The following THSD7A variants were observed in gnomAD, a reference collection of about 807,000 sequenced individuals.
The protein encoded by THSD7A is thrombospondin type-1 domain-containing protein 7A.
A neutral mutation model predicts 231.3 loss-of-function variants in THSD7A; 96 were observed. The observed-to-expected ratio is 0.41, with a 90% confidence interval of 0.35 to 0.49. The LOEUF is 0.49. THSD7A is among the 20% of genes least tolerant of loss of function. THSD7A has a pLI of 0.05. For synonymous variants in THSD7A, 940 were observed against 743.3 expected (o/e 1.26, Z -4.30); for missense variants, 2,290 against 2,070.2 (o/e 1.11, Z -2.06).
intron 6 of THSD7A, among the ~76,000 whole-genome samples, chr7:11,492,223 T>C (rs557127184): frequency 6.6e-6 from 1 of 152,156 alleles, no homozygotes; most frequent in East Asian, 1.9e-4. Flanking sequence ...CTCTGTGCCT[T>C]TATCAACTCT....
intron 2 of THSD7A, 134 bp from the exon 3 acceptor site, chr7:11,593,636 C>T (rs1780252741): frequency 4.7e-6 from 5 of 1,068,752 alleles, no homozygotes; most frequent in African/African-American, 1.6e-5. Context: ...ATCGAAAATA[C>T]ATCAACATTT....
At chr7:11,478,347 C>T (rs1028532398) in intron 7 of THSD7A, among the ~76,000 whole-genome samples, 3 of 152,176 alleles carry the variant, frequency 2.0e-5, no homozygotes, top group African/African-American at 7.2e-5. Context: ...TCTATCCTCT[C>T]ATACAACCCA....
At chr7:11,570,877 A>G (rs2128334469) in intron 4 of THSD7A, among the ~76,000 whole-genome samples, 1 of 152,266 alleles carries the variant, frequency 6.6e-6, no homozygotes, top group Admixed American at 6.5e-5. Context: ...AACTCTTGAG[A>G]GGATATTTAG....
At chr7:11,702,030 G>A (rs1562487771) in intron 1 of THSD7A, among the ~76,000 whole-genome samples, 1 of 151,204 alleles carries the variant, frequency 6.6e-6, no homozygotes, top group Non-Finnish European at 1.5e-5. Context: ...TTTCATGGGT[G>A]TGAGGTCTGT....
chr7:11,586,784 C>T (rs563413213), intron 4 of THSD7A, among the ~76,000 whole-genome samples: 106 of 152,026 alleles, frequency 7.0e-4, no homozygotes, highest in African/African-American at 2.5e-3. Context: ...CTTACCTTTC[C>T]GTCTATCCAT....
At chr7:11,624,468 C>T (rs1290349909) in intron 2 of THSD7A, among the ~76,000 whole-genome samples, 1 of 152,088 alleles carries the variant, frequency 6.6e-6, no homozygotes, top group African/African-American at 2.4e-5. Context: ...TACAGATAAC[C>T]TGCTCATTCG....
intron 2 of THSD7A, among the ~76,000 whole-genome samples, chr7:11,608,736 T>C (rs978669958): frequency 1.3e-5 from 2 of 152,150 alleles, no homozygotes; most frequent in African/African-American, 4.8e-5. Flanking sequence ...TTTTCTAAAC[T>C]TTCATTCCCT....
chr7:11,641,071 A>G (rs1782060095), intron 1 of THSD7A, among the ~76,000 whole-genome samples: 1 of 152,288 alleles, frequency 6.6e-6, no homozygotes, highest in East Asian at 1.9e-4. Flanking sequence ...TTTGACATAT[A>G]GAAATATTGA....
chr7:11,504,841 T>TA (rs1745027897), intron 6 of THSD7A, among the ~76,000 whole-genome samples: 1 of 151,930 alleles, frequency 6.6e-6, no homozygotes, highest in Admixed American at 6.6e-5. Context: ...CCTTTTTTTT[T>TA]ATTGCATTTA....
intron 1 of THSD7A, among the ~76,000 whole-genome samples, chr7:11,656,659 A>G (rs1782720231): frequency 6.6e-6 from 1 of 151,910 alleles, no homozygotes; most frequent in Admixed American, 6.6e-5. Context: ...TAACTTAACC[A>G]TTCCATTCCA....
intron 2 of THSD7A, among the ~76,000 whole-genome samples, chr7:11,630,627 C>G (rs1461467157): frequency 6.6e-6 from 1 of 152,066 alleles, no homozygotes; most frequent in Non-Finnish European, 1.5e-5. Context: ...TGTCTTATTC[C>G]CTCAGGAATT....
At chr7:11,769,613 C>G (rs12112467) in intron 1 of THSD7A, among the ~76,000 whole-genome samples, 4,294 of 152,018 alleles carry the variant, frequency 0.028, 206 homozygotes, top group African/African-American at 0.098. Context: ...GTATTCACAC[C>G]CAGACATTCA....
chr7:11,635,134 G>A (rs764627310), intron 2 of THSD7A, among the ~76,000 whole-genome samples: 8 of 152,264 alleles, frequency 5.3e-5, no homozygotes, highest in East Asian at 3.9e-4. Context: ...CGCAGAGGTC[G>A]AAACTTCAGG....
chr7:11,761,786 G>A (rs551648627), intron 1 of THSD7A, among the ~76,000 whole-genome samples: 5 of 151,852 alleles, frequency 3.3e-5, no homozygotes, highest in African/African-American at 1.2e-4. Flanking sequence ...GGGGGTACAC[G>A]TGCAGGTTTG....
intron 2 of THSD7A, among the ~76,000 whole-genome samples, chr7:11,604,275 C>T (rs1044767235): frequency 8.6e-5 from 13 of 151,998 alleles, no homozygotes; most frequent in East Asian, 7.7e-4. Flanking sequence ...GTCTTGCTTA[C>T]GAAGCACTCA....
intron 1 of THSD7A, among the ~76,000 whole-genome samples, chr7:11,779,944 G>C (rs933311090): frequency 6.6e-6 from 1 of 152,136 alleles, no homozygotes; most frequent in Admixed American, 6.5e-5. Context: ...ACGTCTTTGG[G>C]TTTCTGTGTC....
At chr7:11,556,747 G>C (rs1268791248) in intron 4 of THSD7A, among the ~76,000 whole-genome samples, 6 of 151,874 alleles carry the variant, frequency 4.0e-5, no homozygotes, top group Admixed American at 3.3e-4. Flanking sequence ...GTATTGAATT[G>C]CAAGTTGACA....
At chr7:11,684,653 T>C (rs1779970267) in intron 1 of THSD7A, among the ~76,000 whole-genome samples, 1 of 151,658 alleles carries the variant, frequency 6.6e-6, no homozygotes, top group Non-Finnish European at 1.5e-5. Flanking sequence ...ACAAAAAATA[T>C]CTAAAAATAC....
chr7:11,553,742 A>T (rs1296344735), intron 4 of THSD7A, among the ~76,000 whole-genome samples: 5 of 152,074 alleles, frequency 3.3e-5, no homozygotes, highest in African/African-American at 1.2e-4. Context: ...AAACAAATTT[A>T]AAAAATGAGG....
Sources: allele counts gnomAD v4.1 joint callset (sites outside exome capture counted in the v4.1 genomes callset), GRCh38; gene constraint gnomAD v4.1.1; transcripts MANE v1.5; gene names NCBI Gene and HGNC (gene_info 2026-07-23, HGNC 2026-07-21).